NBR1: variants seen among roughly 807,000 people sequenced by gnomAD.
NBR1 encodes the protein NBR1 autophagy cargo receptor, also known as next to BRCA1 gene 1 protein.
In NBR1, 59 loss-of-function variants were observed where a neutral mutation model predicts 115.5. The observed-to-expected ratio is 0.51, with a 90% CI of 0.41 to 0.63. The LOEUF is 0.63. Ranked by LOEUF, NBR1 falls within the 30% of genes least tolerant of loss-of-function variation. The probability of loss-of-function intolerance (pLI) is 0.00; values close to 1 mark genes in which losing one functional copy is unlikely to be tolerated. For synonymous variants in NBR1, 373 were observed against 414.7 expected (o/e 0.90, Z 1.22); for missense variants, 1,043 against 1,150.5 (o/e 0.91, Z 1.35).
At chr17:43,178,408 A>G (rs1269489004) in intron 3 of NBR1, among the ~76,000 whole-genome samples, 4 of 140,016 alleles carry the variant, frequency 2.9e-5, no homozygotes, top group African/African-American at 1.1e-4. Flanking sequence ...ATGAAGCCTC[A>G]CTCCATAACC....
chr17:43,174,393 C>T (rs532049609), intron 1 of NBR1, among the ~76,000 whole-genome samples: 3 of 152,014 alleles, frequency 2.0e-5, no homozygotes, highest in Non-Finnish European at 4.4e-5. Context: ...GTCAGGAGAT[C>T]GAGACCATCC....
chr17:43,202,599 G>A, intron 18 of NBR1, 56 bp from the exon 19 acceptor site: 1 of 1,293,710 alleles, frequency 7.7e-7, no homozygotes, highest in Non-Finnish European at 1.1e-6. Context: ...CTGTGAGTTA[G>A]GAAACAGTAG....
chr17:43,200,583 G>GT lies in NBR1; in HGVS notation c.2444dup (p.Glu816GlyfsTer35). The GT allele has an allele frequency of 6.2e-7, 1 of 1,607,848 alleles. No homozygotes were observed. The highest frequency in any genetic ancestry group is 8.5e-7 in the Non-Finnish European group (1 of 1,175,206). ...AACAGTGCCCCTAATCCCAGAGGTAGTGGAGCTTCCACCGTCACTGCCCAG... is the reference window on the plus strand; with the variant it reads ...AACAGTGCCCCTAATCCCAGAGGTAGTTGGAGCTTCCACCGTCACTGCCCAG... On this transcript the variant is annotated frameshift_variant, in exon 17 of 21. Coordinates refer to ENST00000590996, the MANE Select transcript of NBR1 (RefSeq NM_005899.5). LOFTEE classifies it high-confidence loss of function.
chr17:43,194,625 T>C, intron 13 of NBR1, 126 bp downstream of exon 13: 1 of 1,091,438 alleles, frequency 9.2e-7, no homozygotes, highest in Non-Finnish European at 1.3e-6. Flanking sequence ...CAGGTATATT[T>C]AATGGGAAGG....
At chr17:43,193,721 T>C in intron 12 of NBR1, 83 bp downstream of exon 12, 1 of 1,417,704 alleles carries the variant, frequency 7.1e-7, no homozygotes, top group Non-Finnish European at 9.4e-7. Context: ...AACCCACTCA[T>C]AGCTGGTTGT....
Position 43,209,910 on chromosome 17 carries a change from T to A in NBR1, c.2737T>A (p.Ser913Thr). Residue 913 changes from serine to threonine, a missense_variant, in exon 21 of 21, where the codon TCT becomes ACT. Physicochemically the swap from Ser to Thr is moderately conservative, Grantham distance 58 (BLOSUM62 1). Coordinates refer to ENST00000590996, the MANE Select transcript of NBR1 (RefSeq NM_005899.5). ...GPPVTAQPII[S>T]EDQTAALMAH... is the part of the protein sequence containing the mutation. ...GCTTGTCTCTACACAGCCAATAATT[T>A]CTGAAGATCAGACAGCAGCCCTGAT... 1 of 1,547,784 alleles carries A rather than the reference T, an allele frequency of 6.5e-7. No individual in the cohort carries two copies. The highest frequency in any genetic ancestry group is 8.7e-7 in the Non-Finnish European group (1 of 1,148,266).
At chr17:43,176,239 C>T (rs1032670122) in intron 2 of NBR1, 3 of 199,304 alleles carry the variant, frequency 1.5e-5, no homozygotes, top group Non-Finnish European at 3.0e-5. Context: ...GAAATGTTCT[C>T]TTGTGTGAGG....
At position 43,201,674 on chromosome 17, in the gene NBR1, T is replaced by C; in HGVS notation, c.2469-12T>C. ...TTTTCAATTTACTTTCCATATTGTG[T>C]CTTTCTGAAAGGAGCTCTCCTTGTG... On this transcript the variant is annotated splice_polypyrimidine_tract_variant and intron_variant, in intron 17 of 20. Transcript: ENST00000590996. The C allele has an allele frequency of 1.3e-6, 2 of 1,526,598 alleles. No homozygotes were observed. Among genetic ancestry groups the C allele is most frequent in the African/African-American group, 1.4e-5 (1 of 73,312 alleles). 94.6% of individuals were successfully genotyped at this position (1,526,598 alleles called of 1,614,324 possible).
chr17:43,198,397 G>A (rs542741219), intron 16 of NBR1, among the ~76,000 whole-genome samples: 1 of 152,238 alleles, frequency 6.6e-6, no homozygotes, highest in African/African-American at 2.4e-5. Flanking sequence ...GCTCACGCCT[G>A]TAATCCCAGC....
At chr17:43,175,585 A>G (rs2056492135) in intron 1 of NBR1, among the ~76,000 whole-genome samples, 1 of 152,182 alleles carries the variant, frequency 6.6e-6, no homozygotes, top group South Asian at 2.1e-4. Flanking sequence ...GTTTTAGCCT[A>G]TCTTTCTTTC....
At chr17:43,177,828 A>G (rs2056559031) in intron 2 of NBR1, 108 bp from the exon 3 acceptor site, 2 of 978,154 alleles carry the variant, frequency 2.0e-6, no homozygotes, top group Non-Finnish European at 2.8e-6. Context: ...ACCCTTTGTT[A>G]TGGGTTATTA....
intron 8 of NBR1, chr17:43,190,071 G>T: frequency 1.0e-5 from 4 of 397,214 alleles, no homozygotes; most frequent in East Asian, 4.8e-5. Context: ...ACTAAGGGTA[G>T]TTCCTCGGTT....
In NBR1 at chr17:43,179,391, T is replaced by C. The variant is rs1226097378; in HGVS notation, c.166-3T>C. 6.2e-7 allele frequency: 1 copy of C among 1,612,826 alleles called. No homozygotes were observed. The highest frequency in any genetic ancestry group is 8.5e-7 in the Non-Finnish European group (1 of 1,179,062). On this transcript the variant is annotated splice_polypyrimidine_tract_variant and splice_region_variant and intron_variant, in intron 3 of 20. Transcript: ENST00000590996. ...TTCACTGTTGCTTTTTTTCCTTTTA[T>C]AGGTATCCATCAACAGTCAAGGTGA...
upstream of NBR1, chr17:43,171,021 A>C (rs942435292): frequency 2.6e-5 from 4 of 151,768 alleles, no homozygotes; most frequent in African/African-American, 9.7e-5. Flanking sequence ...ACATCTGCGC[A>C]CTCCTAGTTC....
In NBR1 at chr17:43,193,118, C is replaced by T. The variant is rs771550550; in HGVS notation, c.1098C>T (p.Ser366=). The T allele has an allele frequency of 1.4e-5, 23 of 1,613,812 alleles. No individual in the cohort carries two copies. Among genetic ancestry groups the T allele is most frequent in the South Asian group, 7.7e-5 (7 of 91,084 alleles). ...GGCTCCCTTTGCAGCCCTGTACCTC[C>T]GTTATGCCAATGCTCAGTGCAGCAT... ...TLMLPLQPCT[S]VMPMLSAAFV... The change falls in exon 11 of 21, where the codon TCC becomes TCT. Residue 366 remains serine, a synonymous_variant. Coordinates refer to ENST00000590996, the MANE Select transcript of NBR1 (RefSeq NM_005899.5).
chr17:43,182,844 G>A (rs773595768), intron 5 of NBR1, among the ~76,000 whole-genome samples: 2 of 151,128 alleles, frequency 1.3e-5, no homozygotes, highest in African/African-American at 4.9e-5. Context: ...GCTACCAGCA[G>A]CCTACACCTC....
chr17:43,175,080 A>G (rs1339920083), intron 1 of NBR1, among the ~76,000 whole-genome samples: 1 of 152,168 alleles, frequency 6.6e-6, no homozygotes, highest in Non-Finnish European at 1.5e-5. Flanking sequence ...GCCTGGGGCG[A>G]TAGAGCGAGA....
intron 10 of NBR1, among the ~76,000 whole-genome samples, 152 bp downstream of exon 10, chr17:43,191,733 G>GT (rs1315347519): frequency 1.3e-5 from 2 of 152,016 alleles, no homozygotes; most frequent in Admixed American, 6.6e-5. Flanking sequence ...TTGTTTGTTT[G>GT]TTTTTTGAGA....
intron 16 of NBR1, 46 bp from the exon 17 acceptor site, chr17:43,200,121 C>T: frequency 6.9e-7 from 1 of 1,453,658 alleles, no homozygotes; most frequent in Non-Finnish European, 9.3e-7. Flanking sequence ...AGTACTTAGG[C>T]CTGCTTTTAG....
Sources: gnomAD v4.1 joint callset for allele counts (sites outside exome capture counted in the v4.1 genomes callset) on GRCh38, gnomAD v4.1.1 for gene constraint, MANE v1.5 for transcripts, NCBI Gene and HGNC (gene_info 2026-07-23, HGNC 2026-07-21) for gene names.